The following LDLRAD4 variants were observed in gnomAD, a reference collection of about 807,000 sequenced individuals.
LDLRAD4 encodes low-density lipoprotein receptor class A domain-containing protein 4.
Under a neutral mutation model 17.0 loss-of-function variants are expected in LDLRAD4, and 5 were observed. The ratio of observed to expected loss-of-function variants is 0.29; its 90% CI spans 0.15 to 0.62. The LOEUF is 0.62. Among genes scored for constraint, LDLRAD4 ranks in the 20% least tolerant of loss-of-function variants. The pLI is 0.84. For missense variants in LDLRAD4, 340 were observed against 424.7 expected (o/e 0.80, Z 1.75); for synonymous variants, 168 against 171.8 (o/e 0.98, Z 0.17).
At chr18:13,339,743 A>G (rs925623022) in intron 1 of LDLRAD4, among the ~76,000 whole-genome samples, 12 of 152,204 alleles carry the variant, frequency 7.9e-5, no homozygotes, top group African/African-American at 2.4e-4. Flanking sequence ...ATCAACCTAG[A>G]GGTAACCATT....
At chr18:13,326,494 A>G (rs1048400084) in intron 1 of LDLRAD4, among the ~76,000 whole-genome samples, 4 of 152,358 alleles carry the variant, frequency 2.6e-5, no homozygotes, top group East Asian at 3.9e-4. Context: ...TGTAATAGAC[A>G]TGATCAATGT....
chr18:13,424,616 G>C (rs960806034), intron 2 of LDLRAD4, among the ~76,000 whole-genome samples: 1 of 152,172 alleles, frequency 6.6e-6, no homozygotes, highest in African/African-American at 2.4e-5. Flanking sequence ...ACATGGAAGC[G>C]GTGGTACTCA....
chr18:13,392,597 C>G (rs2086360741), intron 2 of LDLRAD4, among the ~76,000 whole-genome samples: 3 of 152,302 alleles, frequency 2.0e-5, no homozygotes, highest in East Asian at 1.9e-4. Context: ...GTGGTTTTGA[C>G]TGACTTGGAA....
chr18:13,406,979 A>C (rs1259754837), intron 2 of LDLRAD4, among the ~76,000 whole-genome samples: 2 of 152,182 alleles, frequency 1.3e-5, no homozygotes, highest in South Asian at 4.1e-4. Context: ...ATGGCAATTT[A>C]AGTCCAGGAC....
At position 13,311,740 on chromosome 18, in the gene LDLRAD4, G is replaced by A. The variant is rs146073745; in HGVS notation, c.-383+33552G>A. On this transcript the variant is annotated intron_variant, in intron 1 of 5. Coordinates refer to ENST00000359446, the Ensembl canonical transcript of LDLRAD4. ...GTTCTGCATTTCCATGCCGCCTGTG[G>A]CTCACCTGGAAAATAAAAACCTGTA... Among the ~76,000 whole-genome samples the A allele has an allele frequency of 4.5e-4, 69 of 152,268 alleles. 2 individuals carry two copies. The East Asian group carries it at 0.012, about 26-fold the overall frequency.
intron 1 of LDLRAD4, among the ~76,000 whole-genome samples, chr18:13,314,075 C>T (rs751105099): frequency 2.0e-5 from 3 of 152,050 alleles, no homozygotes; most frequent in South Asian, 2.1e-4. Flanking sequence ...GTTTAAATAT[C>T]GGTTTCTAAA....
chr18:13,543,090 T>C (rs922127421), intron 3 of LDLRAD4: 6 of 152,200 alleles, frequency 3.9e-5, no homozygotes, highest in African/African-American at 1.4e-4. Flanking sequence ...GGATCACCCA[T>C]GTAAGTTTCC....
At position 13,334,788 on chromosome 18, in the gene LDLRAD4, A is replaced by G. The variant is rs193272988; in HGVS notation, c.-382-52553A>G. On this transcript the variant is annotated intron_variant, in intron 1 of 5. Transcript: ENST00000359446. ...TTGCCTTGTTTCTGATCTTAGCAGGAAAGTTTCTAGTTTCTCATCATTAAG... is the reference window on the plus strand; with the variant it reads ...TTGCCTTGTTTCTGATCTTAGCAGGGAAGTTTCTAGTTTCTCATCATTAAG... Among the ~76,000 whole-genome samples the G allele has an allele frequency of 3.3e-5, 5 of 152,262 alleles. No homozygotes were observed. In the East Asian group the frequency reaches 9.6e-4, roughly 29 times the overall value.
intron 1 of LDLRAD4, among the ~76,000 whole-genome samples, chr18:13,232,910 C>T (rs930354015): frequency 1.3e-5 from 2 of 152,218 alleles, no homozygotes; most frequent in Non-Finnish European, 2.9e-5. Flanking sequence ...TGCTGGCTCT[C>T]CCTGGTGTGG....
intron 3 of LDLRAD4, chr18:13,612,628 T>C: frequency 2.5e-6 from 4 of 1,608,692 alleles, no homozygotes; most frequent in South Asian, 1.1e-5. Context: ...GAGAGGAGAT[T>C]GCCGGAAGCT....
intron 3 of LDLRAD4, among the ~76,000 whole-genome samples, chr18:13,609,426 G>A (rs141109778): frequency 5.9e-5 from 9 of 152,260 alleles, no homozygotes; most frequent in African/African-American, 1.9e-4. Flanking sequence ...CCTCAGAGGC[G>A]CTGGGAGAGG....
intron 3 of LDLRAD4, among the ~76,000 whole-genome samples, chr18:13,499,721 G>A (rs1344871146): frequency 5.3e-5 from 8 of 151,496 alleles, no homozygotes; most frequent in Admixed American, 3.3e-4. Context: ...ATGTCCCGCC[G>A]TGGACACTGG....
intron 1 of LDLRAD4, among the ~76,000 whole-genome samples, chr18:13,386,373 A>T (rs1047664093): frequency 6.7e-6 from 1 of 148,194 alleles, no homozygotes; most frequent in Non-Finnish European, 1.5e-5. Context: ...TTATTATTCT[A>T]TTTTTTTTTT....
intron 3 of LDLRAD4, among the ~76,000 whole-genome samples, chr18:13,553,696 C>T (rs1422316724): frequency 6.6e-6 from 1 of 152,180 alleles, no homozygotes; most frequent in Non-Finnish European, 1.5e-5. Flanking sequence ...TCCTGGCTAA[C>T]CTCCATTTCT....
At chr18:13,464,625 G>T (rs1011710579) in intron 3 of LDLRAD4, among the ~76,000 whole-genome samples, 28 of 152,102 alleles carry the variant, frequency 1.8e-4, no homozygotes, top group Non-Finnish European at 2.4e-4. Flanking sequence ...GGGCCACCGT[G>T]TGTCTAGAAC....
At chr18:13,535,012 T>G (rs1158172712) in intron 3 of LDLRAD4, among the ~76,000 whole-genome samples, 1 of 152,236 alleles carries the variant, frequency 6.6e-6, no homozygotes, top group Non-Finnish European at 1.5e-5. Flanking sequence ...CCATGGTTCA[T>G]TCTGTTGTAC....
intron 3 of LDLRAD4, among the ~76,000 whole-genome samples, chr18:13,579,985 C>T (rs946366961): frequency 6.6e-6 from 1 of 152,162 alleles, no homozygotes; most frequent in Non-Finnish European, 1.5e-5. Context: ...AGTCACACTG[C>T]CTTCCTTCCT....
intron 3 of LDLRAD4, among the ~76,000 whole-genome samples, chr18:13,606,621 T>C (rs2095227163): frequency 6.6e-6 from 1 of 152,256 alleles, no homozygotes; most frequent in South Asian, 2.1e-4. Flanking sequence ...GATTATTCCA[T>C]GTTATAGACT....
intron 2 of LDLRAD4, among the ~76,000 whole-genome samples, chr18:13,415,543 G>A (rs533515806): frequency 9.8e-5 from 15 of 152,310 alleles, no homozygotes; most frequent in East Asian, 3.9e-4. Flanking sequence ...TTGTCTCCCC[G>A]GTGGTTAGGG....
Sources: gnomAD v4.1 joint callset for allele counts (sites outside exome capture counted in the v4.1 genomes callset) on GRCh38, gnomAD v4.1.1 for gene constraint, MANE v1.5 for transcripts, NCBI Gene and HGNC (gene_info 2026-07-23, HGNC 2026-07-21) for gene names.